Variants in OSBP2 observed in about 807,000 individuals in gnomAD.
The protein encoded by OSBP2 is oxysterol-binding protein 2.
A neutral mutation model predicts 96.0 loss-of-function variants in OSBP2; 66 were observed. That is an observed-to-expected ratio of 0.69 (90% CI 0.56 to 0.84). The LOEUF (loss-of-function observed/expected upper bound fraction) is 0.84. Ranked by LOEUF, OSBP2 falls within the 40% of genes least tolerant of loss-of-function variation. The probability of loss-of-function intolerance (pLI) is 0.00; values close to 1 mark genes in which losing one functional copy is unlikely to be tolerated. For missense variants in OSBP2, 1,038 were observed against 1,222.7 expected (o/e 0.85, Z 2.25); for synonymous variants, 525 against 520.9 (o/e 1.01, Z -0.11).
At chr22:30,722,611 T>C (rs554331688) in intron 1 of OSBP2, among the ~76,000 whole-genome samples, 1 of 152,108 alleles carries the variant, frequency 6.6e-6, no homozygotes, top group Admixed American at 6.5e-5. Flanking sequence ...TGATCTTTCT[T>C]TCTTTTCTCT....
At chr22:30,752,946 C>G (rs2090096349) in intron 2 of OSBP2, among the ~76,000 whole-genome samples, 1 of 152,180 alleles carries the variant, frequency 6.6e-6, no homozygotes, top group African/African-American at 2.4e-5. Context: ...GCAGCTGTGC[C>G]TGAATTCCAA....
chr22:30,741,110 G>A, intron 1 of OSBP2, 51 bp from the exon 2 acceptor site: 1 of 1,405,450 alleles, frequency 7.1e-7, no homozygotes, highest in South Asian at 1.2e-5. Context: ...CTTTAGTCTG[G>A]AGCCATTGAG....
rs769807063 is a variant in OSBP2, at chr22:30,893,747, G to A, written c.2190+14G>A. 1.2e-6 allele frequency: 2 copies of A among 1,613,790 alleles called. No homozygotes were observed. The highest frequency in any genetic ancestry group is 8.5e-7 in the Non-Finnish European group (1 of 1,179,764). On this transcript the variant is annotated intron_variant, in intron 11 of 13. Coordinates refer to ENST00000332585, the MANE Select transcript of OSBP2 (RefSeq NM_030758.4). Reference sequence around the variant, plus strand: ...GCAGCCCGGAAGGTAAGCAGGACCAGCCACCTCTAAGCACCCCAGGGGGCC... The same window carrying A: ...GCAGCCCGGAAGGTAAGCAGGACCAACCACCTCTAAGCACCCCAGGGGGCC...
chr22:30,903,319 T>G (rs1210543415), intron 12 of OSBP2, among the ~76,000 whole-genome samples: 1 of 152,192 alleles, frequency 6.6e-6, no homozygotes, highest in Non-Finnish European at 1.5e-5. Flanking sequence ...GTGATGGACA[T>G]AGAGAATTGG....
rs564127100 is a variant in OSBP2, at chr22:30,792,128, A to C, written c.853+50759A>C. ...GGAGTTCAAGATCAGCCTAGCCAAC[A>C]TGGTGAAACCCCGTTTCTACTAAAA... On this transcript the variant is annotated intron_variant, in intron 2 of 13. Transcript: ENST00000332585. Among the ~76,000 whole-genome samples, 6 of 152,278 alleles carry C rather than the reference A, an allele frequency of 3.9e-5. No homozygotes were observed. The South Asian group carries it at 1.2e-3, about 32-fold the overall frequency.
chr22:30,868,929 A>G (rs988654919), intron 2 of OSBP2, among the ~76,000 whole-genome samples: 1 of 152,252 alleles, frequency 6.6e-6, no homozygotes, highest in Non-Finnish European at 1.5e-5. Context: ...CTTGGGTTAC[A>G]GATTTTCTTC....
intron 2 of OSBP2, among the ~76,000 whole-genome samples, chr22:30,808,953 C>CA (rs1033761542): frequency 3.7e-4 from 54 of 145,380 alleles, no homozygotes; most frequent in South Asian, 1.7e-3. Context: ...GACTCCGTCT[C>CA]AAAAAAAAAA....
chr22:30,845,627 T>C (rs1188179969), intron 2 of OSBP2, among the ~76,000 whole-genome samples: 2 of 151,108 alleles, frequency 1.3e-5, no homozygotes, highest in African/African-American at 4.9e-5. Flanking sequence ...CTCACACCTG[T>C]AATCCCAACA....
chr22:30,792,005 G>A (rs1467180239), intron 2 of OSBP2, among the ~76,000 whole-genome samples: 1 of 152,068 alleles, frequency 6.6e-6, no homozygotes, highest in Non-Finnish European at 1.5e-5. Flanking sequence ...AAGTATTTAG[G>A]AACCGCATAC....
chr22:30,807,588 C>G (rs568060339), intron 2 of OSBP2, among the ~76,000 whole-genome samples: 1 of 152,328 alleles, frequency 6.6e-6, no homozygotes, highest in East Asian at 1.9e-4. Flanking sequence ...CTCCCTGCCT[C>G]TCACACAGCA....
intron 2 of OSBP2, among the ~76,000 whole-genome samples, chr22:30,831,204 C>A (rs139211293): frequency 1.2e-3 from 189 of 152,312 alleles, no homozygotes; most frequent in Non-Finnish European, 2.3e-3. Flanking sequence ...GTGTGGACAA[C>A]ACCTTGCTGT....
intron 1 of OSBP2, among the ~76,000 whole-genome samples, chr22:30,703,097 G>A (rs1370208261): frequency 4.6e-5 from 7 of 152,196 alleles, no homozygotes; most frequent in Non-Finnish European, 7.3e-5. Context: ...AAAAGCAACA[G>A]TGGGAATGTG....
At chr22:30,889,283 G>C in intron 6 of OSBP2, 49 bp downstream of exon 6, 4 of 1,564,536 alleles carry the variant, frequency 2.6e-6, no homozygotes, top group Non-Finnish European at 3.5e-6. Context: ...TTCTGGCCTA[G>C]GGGGTGGGAG....
chr22:30,735,615 C>A (rs2089841354), intron 1 of OSBP2, among the ~76,000 whole-genome samples: 1 of 149,128 alleles, frequency 6.7e-6, no homozygotes, highest in Non-Finnish European at 1.5e-5. Flanking sequence ...CCCAGCCTAT[C>A]CCCCTTTTAC....
intron 2 of OSBP2, among the ~76,000 whole-genome samples, chr22:30,843,542 C>A (rs1269743176): frequency 6.6e-6 from 1 of 151,044 alleles, no homozygotes; most frequent in Non-Finnish European, 1.5e-5. Flanking sequence ...CTTCATTGTT[C>A]CATTTATAGA....
At chr22:30,828,373 A>G (rs554403225) in intron 2 of OSBP2, among the ~76,000 whole-genome samples, 2 of 152,310 alleles carry the variant, frequency 1.3e-5, no homozygotes, top group South Asian at 4.1e-4. Context: ...GGCTGGGAGT[A>G]GCAGAGCCCA....
rs191123279 is a variant in OSBP2 at position 30,824,402 on chromosome 22, G to C, written c.854-46027G>C. Among the ~76,000 whole-genome samples, 300 of 150,492 alleles carry C rather than the reference G, an allele frequency of 2.0e-3. 1 individual carries two copies. The highest frequency in any genetic ancestry group is 5.6e-3 in the African/African-American group (222 of 39,806). On this transcript the variant is annotated intron_variant, in intron 2 of 13. Transcript: ENST00000332585. ...TCAGCTACCATGTCGGAGACCCTAGGGGGGAATACGGGAGTTTGTCCCTCA... is the reference window on the plus strand; with the variant it reads ...TCAGCTACCATGTCGGAGACCCTAGCGGGGAATACGGGAGTTTGTCCCTCA...
chr22:30,748,069 G>GT (rs900521349), intron 2 of OSBP2, among the ~76,000 whole-genome samples: 1 of 151,758 alleles, frequency 6.6e-6, no homozygotes, highest in Non-Finnish European at 1.5e-5. Context: ...TAGAGGCAGG[G>GT]TTTTACCATG....
chr22:30,754,679 C>T (rs912322207), intron 2 of OSBP2, among the ~76,000 whole-genome samples: 1 of 152,194 alleles, frequency 6.6e-6, no homozygotes, highest in Non-Finnish European at 1.5e-5. Flanking sequence ...TCAGGGAAGC[C>T]TGTGTGCTGT....
Sources: allele counts gnomAD v4.1 joint callset (sites outside exome capture counted in the v4.1 genomes callset), GRCh38; gene constraint gnomAD v4.1.1; transcripts MANE v1.5; gene names NCBI Gene and HGNC (gene_info 2026-07-23, HGNC 2026-07-21).